SYT2: variants seen among roughly 807,000 people sequenced by gnomAD.
The protein encoded by SYT2 is synaptotagmin 2, also known as synaptotagmin-2.
In SYT2, 15 loss-of-function variants were observed where a neutral mutation model predicts 39.9. That is an observed-to-expected ratio of 0.38 (90% CI 0.25 to 0.58). The LOEUF is 0.58. Ranked by LOEUF, SYT2 falls within the 20% of genes least tolerant of loss-of-function variation. The pLI is 0.70. For synonymous variants in SYT2, 181 were observed against 204.5 expected (o/e 0.89, Z 0.98); for missense variants, 389 against 530.3 (o/e 0.73, Z 2.62).
At chr1:202,708,572 G>C (rs961561864) in intron 1 of SYT2, among the ~76,000 whole-genome samples, 1 of 152,062 alleles carries the variant, frequency 6.6e-6, no homozygotes, top group Non-Finnish European at 1.5e-5. Flanking sequence ...GTGGGCACTG[G>C]CCATTTTCCA....
intron 1 of SYT2, among the ~76,000 whole-genome samples, chr1:202,635,540 G>C (rs1691716545): frequency 6.6e-6 from 1 of 152,196 alleles, no homozygotes. Flanking sequence ...TTTTGGGGGT[G>C]ACCTTGGCCA....
At chr1:202,705,859 A>C (rs1654236045) in intron 1 of SYT2, among the ~76,000 whole-genome samples, 1 of 151,800 alleles carries the variant, frequency 6.6e-6, no homozygotes, top group Non-Finnish European at 1.5e-5. Context: ...TGCCCAGCTA[A>C]TTTTTAAATT....
rs766823679 is a variant in SYT2 at position 202,602,534 on chromosome 1, G to A, written c.477C>T (p.Gly159=). ...CAGGCAGTTCAGCAGCCTGCAGAAC[G>A]CCCACAGTAAGCTGTGGAGAGAGAT... is the stretch of plus-strand genomic sequence containing the variant. ...YDFQANQLTV[G]VLQAAELPAL... The change falls in exon 5 of 9, where the codon GGC becomes GGT. Residue 159 remains glycine, a synonymous_variant. Transcript: ENST00000367268. 1.2e-5 allele frequency: 20 copies of A among 1,612,640 alleles called. No homozygotes were observed. The South Asian group carries it at 1.4e-4, about 12-fold the overall frequency.
At chr1:202,690,027 T>C (rs796134759) in intron 1 of SYT2, among the ~76,000 whole-genome samples, 10 of 152,208 alleles carry the variant, frequency 6.6e-5, no homozygotes, top group African/African-American at 2.4e-4. Flanking sequence ...CAATGATCCA[T>C]TAGTCACCAT....
At chr1:202,672,403 C>T (rs530077495) in intron 1 of SYT2, among the ~76,000 whole-genome samples, 197 of 152,130 alleles carry the variant, frequency 1.3e-3, no homozygotes, top group African/African-American at 4.3e-3. Flanking sequence ...AGGAAGAGGG[C>T]CCTCACCCAG....
intron 1 of SYT2, among the ~76,000 whole-genome samples, chr1:202,681,975 G>A (rs912443266): frequency 6.6e-6 from 1 of 152,200 alleles, no homozygotes; most frequent in African/African-American, 2.4e-5. Context: ...GCTGCTGACA[G>A]CTCCACCTGA....
At chr1:202,602,186 C>T (rs1361310949) in intron 5 of SYT2, 129 bp from the exon 6 acceptor site, 2 of 522,200 alleles carry the variant, frequency 3.8e-6, no homozygotes, top group African/African-American at 2.1e-5. Flanking sequence ...AAGACCAAGG[C>T]TTTTGGGGAG....
intron 1 of SYT2, among the ~76,000 whole-genome samples, chr1:202,704,551 C>T (rs1654200868): frequency 6.6e-6 from 1 of 151,906 alleles, no homozygotes; most frequent in African/African-American, 2.4e-5. Context: ...AGGGATCTGA[C>T]TTCTCAGGTC....
At chr1:202,625,066 G>C (rs1442756484) in intron 1 of SYT2, among the ~76,000 whole-genome samples, 2 of 152,168 alleles carry the variant, frequency 1.3e-5, no homozygotes, top group Admixed American at 1.3e-4. Context: ...TGTGTGGTGT[G>C]TAGTAGGGTG....
At position 202,605,798 on chromosome 1, in the gene SYT2, G is replaced by T. The variant is rs370507637; in HGVS notation, c.-17-9C>A. ...GGTGGCAGAGGAAACAGCTGGGGAC[G>T]AGAGGTGAAGAGGGCAGGGTGAGCA... On this transcript the variant is annotated splice_polypyrimidine_tract_variant and intron_variant, in intron 1 of 8. Transcript: ENST00000367268. 25 of 1,609,520 alleles carry T rather than the reference G, an allele frequency of 1.6e-5. No homozygotes were observed. Among genetic ancestry groups the T allele is most frequent in the Non-Finnish European group, 2.0e-5 (23 of 1,176,464 alleles).
At chr1:202,633,375 T>C (rs1484179848) in intron 1 of SYT2, among the ~76,000 whole-genome samples, 1 of 152,134 alleles carries the variant, frequency 6.6e-6, no homozygotes, top group East Asian at 1.9e-4. Flanking sequence ...CAGGGAAGAC[T>C]GAGGGGATGT....
intron 1 of SYT2, among the ~76,000 whole-genome samples, chr1:202,646,095 T>C (rs61820908): frequency 1.3e-5 from 2 of 152,198 alleles, no homozygotes; most frequent in Non-Finnish European, 2.9e-5. Context: ...CTACATGGGC[T>C]GGGTGCATAT....
intron 1 of SYT2, among the ~76,000 whole-genome samples, chr1:202,658,449 G>A (rs2149104787): frequency 6.6e-6 from 1 of 152,152 alleles, no homozygotes; most frequent in East Asian, 1.9e-4. Context: ...ATGCCTCTTG[G>A]ATCCTGCCCT....
At chr1:202,701,334 C>T (rs1654116081) in intron 1 of SYT2, among the ~76,000 whole-genome samples, 1 of 152,150 alleles carries the variant, frequency 6.6e-6, no homozygotes, top group South Asian at 2.1e-4. Flanking sequence ...ATGGCTAGTT[C>T]AGCCTGCAAC....
At position 202,692,996 on chromosome 1, in the gene SYT2, T is replaced by A. The variant is rs565349009; in HGVS notation, c.-18+17262A>T. On this transcript the variant is annotated intron_variant, in intron 1 of 8. Transcript: ENST00000367268. ...TAATAGGACTCAGCTTAAAATTTTT[T>A]AAAAATTTCAATAGGTTTTGGGGGA... is the stretch of plus-strand genomic sequence containing the variant. 5.3e-5 allele frequency among the ~76,000 whole-genome samples: 8 copies of A among 152,324 alleles called. No individual in the cohort carries two copies. In the East Asian group the frequency reaches 9.6e-4, roughly 18 times the overall value.
chr1:202,687,947 T>C (rs905165976), intron 1 of SYT2, among the ~76,000 whole-genome samples: 2 of 152,176 alleles, frequency 1.3e-5, no homozygotes, highest in Non-Finnish European at 2.9e-5. Context: ...TTTCACAATG[T>C]CATCACAACT....
intron 1 of SYT2, among the ~76,000 whole-genome samples, chr1:202,650,754 C>A (rs1692175406): frequency 6.6e-6 from 1 of 152,176 alleles, no homozygotes; most frequent in African/African-American, 2.4e-5. Context: ...ACGGGGAAAA[C>A]AGCAGTGTGC....
chr1:202,709,754 C>G (rs570499122), intron 1 of SYT2, among the ~76,000 whole-genome samples: 1 of 152,188 alleles, frequency 6.6e-6, no homozygotes, highest in Non-Finnish European at 1.5e-5. Flanking sequence ...CCAGGGTCTC[C>G]GGCTCCCAGC....
rs528990718 is a variant in SYT2 at position 202,671,366 on chromosome 1, G to A, written c.-18+38892C>T. Reference sequence around the variant, plus strand: ...AGCACCAGGGCAGCCAACTGTGCATGGGCCAAGGCGGAGAGACCCATTTTT... The same window carrying A: ...AGCACCAGGGCAGCCAACTGTGCATAGGCCAAGGCGGAGAGACCCATTTTT... On this transcript the variant is annotated intron_variant, in intron 1 of 8. Transcript: ENST00000367268. 2.9e-3 allele frequency among the ~76,000 whole-genome samples: 436 copies of A among 152,332 alleles called. 3 individuals are homozygous for A. Among genetic ancestry groups the A allele is most frequent in the African/African-American group, 0.01 (418 of 41,564 alleles).
Sources: allele counts gnomAD v4.1 joint callset (sites outside exome capture counted in the v4.1 genomes callset), GRCh38; gene constraint gnomAD v4.1.1; transcripts MANE v1.5; gene names NCBI Gene and HGNC (gene_info 2026-07-23, HGNC 2026-07-21).